Variants in AQP9 observed in about 807,000 individuals in gnomAD.
AQP9 encodes the protein aquaporin-9.
A neutral mutation model predicts 23.8 loss-of-function variants in AQP9; 19 were observed. The ratio of observed to expected loss-of-function variants is 0.80; its 90% CI spans 0.56 to 1.17. The LOEUF (loss-of-function observed/expected upper bound fraction) is 1.17, where lower values mean the gene tolerates loss of function less well. Among genes scored for constraint, AQP9 ranks in the 50% most tolerant of loss-of-function variants. The pLI, the probability that AQP9 is intolerant of heterozygous loss-of-function variation, is 0.00. For synonymous variants in AQP9, 153 were observed against 131.5 expected, an observed-to-expected ratio of 1.16 and a Z score of -1.12; for missense variants, 413 against 362.0, an observed-to-expected ratio of 1.14 and a Z score of -1.14.
chr15:58,151,507 C>T (rs1429436263), intron 1 of AQP9: 1 of 151,990 alleles, frequency 6.6e-6, no homozygotes, highest in African/African-American at 2.4e-5. Flanking sequence ...CTAACATCAC[C>T]CCTTCTAATC....
At chr15:58,156,741 A>G (rs778175493) in intron 1 of AQP9, among the ~76,000 whole-genome samples, 1 of 152,160 alleles carries the variant, frequency 6.6e-6, no homozygotes, top group Non-Finnish European at 1.5e-5. Flanking sequence ...CCCATGTTGC[A>G]TGGAACTGGC....
Position 58,174,955 on chromosome 15 carries a change from C to A in AQP9, c.414C>A (p.Ile138=). The A allele has an allele frequency of 1.9e-6, 3 of 1,614,148 alleles. No individual in the cohort carries two copies. Among genetic ancestry groups the A allele is most frequent in the South Asian group, 1.1e-5 (1 of 91,076 alleles). ...LMSFAGGKLL[I]VGENATAHIF... Reference sequence around the variant, plus strand: ...CCTTTGCTGGTGGAAAACTGCTGATCGTGGGAGAAAATGCAACAGCACACA... The same window carrying A: ...CCTTTGCTGGTGGAAAACTGCTGATAGTGGGAGAAAATGCAACAGCACACA... Residue 138 remains isoleucine, a synonymous_variant, in exon 4 of 6, where the codon ATC becomes ATA. Transcript: ENST00000219919.
At chr15:58,157,816 A>C (rs761598590) in intron 1 of AQP9, among the ~76,000 whole-genome samples, 2 of 152,206 alleles carry the variant, frequency 1.3e-5, no homozygotes, top group Non-Finnish European at 2.9e-5. Flanking sequence ...TCGATTTTGC[A>C]TAAATTGAAA....
chr15:58,173,293 G>A, intron 3 of AQP9, 88 bp downstream of exon 3: 1 of 1,558,292 alleles, frequency 6.4e-7, no homozygotes. Flanking sequence ...GCGAGAAAAA[G>A]CAAGGACGGG....
chr15:58,138,729 C>T (rs1435586548), intron 1 of AQP9, 53 bp downstream of exon 1: 14 of 1,484,144 alleles, frequency 9.4e-6, no homozygotes, highest in Non-Finnish European at 1.2e-5. Flanking sequence ...TCCCTAGCTG[C>T]CAGGCTGGTA....
Position 58,181,196 on chromosome 15 carries a change from A to G in AQP9, c.713+1851A>G, listed in dbSNP as rs117062955. On this transcript the variant is annotated intron_variant, in intron 5 of 5. Coordinates refer to ENST00000219919, the MANE Select transcript of AQP9 (RefSeq NM_020980.5). ...GTGAAGGAAAATGTTGGAATCACCT[A>G]ATGTCCCATGTCCTTAGCTAGCATC... Among the ~76,000 whole-genome samples, 1,208 of 152,298 alleles carry G rather than the reference A, an allele frequency of 7.9e-3. 6 individuals are homozygous for G. Among genetic ancestry groups the G allele is most frequent in the Middle Eastern group, 0.031 (9 of 294 alleles).
At position 58,166,531 on chromosome 15, in the gene AQP9, T is replaced by A. The variant is rs1898508390; in HGVS notation, c.112-142T>A. On this transcript the variant is annotated intron_variant, in intron 1 of 5. Transcript: ENST00000219919. The stretch of plus-strand genomic sequence containing the variant: ...CACCATTTTGCTATCTGTGTATAGC[T>A]GAATCATTATAATTTGATTTGTATA... 3.5e-6 allele frequency: 4 copies of A among 1,148,652 alleles called. No homozygotes were observed. The Admixed American group carries it at 1.0e-4, about 29-fold the overall frequency. The allele number at this position is 1,148,652 out of a possible 1,614,324, so 71.2% of individuals were successfully genotyped here.
intron 1 of AQP9, among the ~76,000 whole-genome samples, chr15:58,159,816 AT>A: frequency 6.6e-6 from 1 of 152,132 alleles, no homozygotes; most frequent in East Asian, 1.9e-4. Context: ...TTCCATTCAC[AT>A]TGCTACAAAT....
At chr15:58,183,564 T>C (rs1294436440) in intron 5 of AQP9, among the ~76,000 whole-genome samples, 2 of 152,210 alleles carry the variant, frequency 1.3e-5, no homozygotes, top group Non-Finnish European at 2.9e-5. Flanking sequence ...CATACACTAA[T>C]GATGCCCAGG....
At chr15:58,146,435 A>G (rs1009796756) in intron 1 of AQP9, among the ~76,000 whole-genome samples, 1 of 151,246 alleles carries the variant, frequency 6.6e-6, no homozygotes, top group Non-Finnish European at 1.5e-5. Context: ...TTTCATTTCT[A>G]TATGTTTTAT....
chr15:58,185,598 C>T lies in AQP9; in HGVS notation c.*1463C>T, dbSNP rs78431786. Reference sequence around the variant, plus strand: ...AAACATTACATTCAGGGGATTTCCTCTGGCTCAGTCTTTTCCCCTTGAAGT... The same window carrying T: ...AAACATTACATTCAGGGGATTTCCTTTGGCTCAGTCTTTTCCCCTTGAAGT... On this transcript the variant is annotated 3_prime_UTR_variant, in exon 6 of 6. Transcript: ENST00000219919. 6.6e-6 allele frequency: 1 copy of T among 152,192 alleles called. No individual in the cohort carries two copies. The highest frequency in any genetic ancestry group is 6.5e-5 in the Admixed American group (1 of 15,276). The allele number at this position is 152,192 out of a possible 1,614,324, so 9.4% of individuals were successfully genotyped here.
At chr15:58,164,274 A>G (rs1416738080) in intron 1 of AQP9, 1 of 152,228 alleles carries the variant, frequency 6.6e-6, no homozygotes, top group African/African-American at 2.4e-5. Flanking sequence ...CATCAGGACC[A>G]TAAAAGAGGG....
intron 1 of AQP9, among the ~76,000 whole-genome samples, chr15:58,143,960 G>A (rs1490058442): frequency 6.6e-6 from 1 of 152,154 alleles, no homozygotes; most frequent in Admixed American, 6.5e-5. Context: ...GTAGCGACAT[G>A]AGTTCCCATT....
chr15:58,176,670 G>C (rs1663246), intron 4 of AQP9, among the ~76,000 whole-genome samples: 1 of 148,766 alleles, frequency 6.7e-6, no homozygotes, highest in Admixed American at 6.7e-5. Flanking sequence ...GAGTGCAGTG[G>C]CGTGATCTCA....
At chr15:58,160,632 A>T (rs1357042218) in intron 1 of AQP9, among the ~76,000 whole-genome samples, 1 of 116,804 alleles carries the variant, frequency 8.6e-6, no homozygotes, top group Admixed American at 1.1e-4. Context: ...TCCTCCAATT[A>T]ACCTGAAAAA....
intron 1 of AQP9, among the ~76,000 whole-genome samples, chr15:58,141,901 A>G (rs1177249350): frequency 4.6e-5 from 7 of 152,232 alleles, no homozygotes; most frequent in Non-Finnish European, 4.4e-5. Context: ...GAAATCAGAA[A>G]GTTTATAAGC....
At chr15:58,149,416 C>A (rs1228608712) in intron 1 of AQP9, among the ~76,000 whole-genome samples, 1 of 152,296 alleles carries the variant, frequency 6.6e-6, no homozygotes, top group South Asian at 2.1e-4. Context: ...GCAGTCAAAC[C>A]TTGGCCCCAG....
rs186793031 is a variant in AQP9, at chr15:58,184,948, T to C, written c.*813T>C. The C allele has an allele frequency of 6.6e-6, 1 of 152,304 alleles. No individual in the cohort carries two copies. The highest frequency in any genetic ancestry group is 2.4e-5 in the African/African-American group (1 of 41,576). 9.4% of individuals were successfully genotyped at this position (152,304 alleles called of 1,614,324 possible). On this transcript the variant is annotated 3_prime_UTR_variant, in exon 6 of 6. Transcript: ENST00000219919. The stretch of plus-strand genomic sequence containing the variant: ...TTTAGCTCAAATGTATTTTCCTAAT[T>C]GCCCACTTGAGAACAGACATTTGAC...
At chr15:58,168,619 A>G (rs1228093104) in intron 2 of AQP9, among the ~76,000 whole-genome samples, 1 of 152,208 alleles carries the variant, frequency 6.6e-6, no homozygotes, top group African/African-American at 2.4e-5. Flanking sequence ...CTGGACTGTG[A>G]TGGTGGGATC....
Sources: allele counts gnomAD v4.1 joint callset (sites outside exome capture counted in the v4.1 genomes callset), GRCh38; gene constraint gnomAD v4.1.1; transcripts MANE v1.5; gene names NCBI Gene and HGNC (gene_info 2026-07-23, HGNC 2026-07-21).